The following KLHL2 variants were observed in gnomAD, a reference collection of about 807,000 sequenced individuals.
KLHL2 encodes the protein kelch like family member 2.
A neutral mutation model predicts 75.8 loss-of-function variants in KLHL2; 15 were observed. That is an observed-to-expected ratio of 0.20 (90% CI 0.13 to 0.30). The LOEUF (loss-of-function observed/expected upper bound fraction) is 0.30. Ranked by LOEUF, KLHL2 falls within the 10% of genes least tolerant of loss-of-function variation. The pLI is 1.00. For synonymous variants in KLHL2, 214 were observed against 251.9 expected (o/e 0.85, Z 1.42); for missense variants, 381 against 741.0 (o/e 0.51, Z 5.64).
chr4:165,278,257 T>G, intron 5 of KLHL2: 3 of 1,100,426 alleles, frequency 2.7e-6, no homozygotes, highest in Non-Finnish European at 4.2e-6. Context: ...CTGCAGCCCC[T>G]GCCGCCATGG....
chr4:165,299,086 C>A (rs974106104), intron 7 of KLHL2, among the ~76,000 whole-genome samples: 2 of 151,962 alleles, frequency 1.3e-5, no homozygotes, highest in African/African-American at 4.8e-5. Context: ...TTTACTTGCC[C>A]ACTTGTGTTT....
intron 13 of KLHL2, among the ~76,000 whole-genome samples, chr4:165,314,624 G>A (rs569684805): frequency 7.0e-4 from 106 of 152,238 alleles, no homozygotes; most frequent in African/African-American, 2.5e-3. Flanking sequence ...ATCTAGAGGG[G>A]AAGTCTGCAA....
At chr4:165,254,532 T>C (rs2082482476) in intron 4 of KLHL2, among the ~76,000 whole-genome samples, 1 of 152,248 alleles carries the variant, frequency 6.6e-6, no homozygotes, top group Non-Finnish European at 1.5e-5. Context: ...TTGATCAATG[T>C]TCCTTATTTG....
intron 13 of KLHL2, among the ~76,000 whole-genome samples, chr4:165,314,426 G>T (rs547428385): frequency 1.3e-5 from 2 of 152,224 alleles, no homozygotes; most frequent in East Asian, 3.9e-4. Context: ...ACTTTTTGGT[G>T]ATAAATGTGG....
At position 165,263,268 on chromosome 4, in the gene KLHL2, C is replaced by G. The variant is rs1241658853; in HGVS notation, c.453C>G (p.Ser151=). Residue 151 remains serine, a synonymous_variant, in exon 5 of 15, where the codon TCC becomes TCG. Coordinates refer to ENST00000226725, the MANE Select transcript of KLHL2 (RefSeq NM_007246.4). ...AGACTTGTTGTGAATTTTTGGAATC[C>G]CAGCTTCACCCTGTCAACTGCTTAG... ...VKKTCCEFLE[S]QLHPVNCLGI... 1 of 1,613,826 alleles carries G rather than the reference C, an allele frequency of 6.2e-7. No individual in the cohort carries two copies. Among genetic ancestry groups the G allele is most frequent in the East Asian group, 2.2e-5 (1 of 44,880 alleles).
At chr4:165,280,054 G>T (rs748437885) in intron 5 of KLHL2, among the ~76,000 whole-genome samples, 1 of 152,092 alleles carries the variant, frequency 6.6e-6, no homozygotes, top group Non-Finnish European at 1.5e-5. Context: ...CCCTACCTTG[G>T]TTCGGACTAG....
At chr4:165,297,837 T>TA in intron 7 of KLHL2, 112 bp downstream of exon 7, 1 of 772,258 alleles carries the variant, frequency 1.3e-6, no homozygotes, top group Non-Finnish European at 2.3e-6. Flanking sequence ...ATCTGTGGAG[T>TA]ACAGGACAGA....
intron 13 of KLHL2, among the ~76,000 whole-genome samples, chr4:165,317,481 A>G (rs776233168): frequency 3.3e-5 from 5 of 151,594 alleles, no homozygotes; most frequent in Admixed American, 6.6e-5. Flanking sequence ...CTCCGGCTTC[A>G]GCCTCTTGGA....
chr4:165,283,161 G>T (rs190254153), intron 5 of KLHL2, among the ~76,000 whole-genome samples: 2 of 152,148 alleles, frequency 1.3e-5, no homozygotes, highest in African/African-American at 4.8e-5. Context: ...ATGAGATTTT[G>T]TGGAGACACA....
intron 1 of KLHL2, among the ~76,000 whole-genome samples, chr4:165,208,793 C>T (rs768891988): frequency 6.6e-6 from 1 of 152,084 alleles, no homozygotes; most frequent in Non-Finnish European, 1.5e-5. Context: ...CTTTTCAAAT[C>T]GCAGACAAAC....
At chr4:165,252,389 G>T (rs1201059504) in intron 4 of KLHL2, among the ~76,000 whole-genome samples, 2 of 151,832 alleles carry the variant, frequency 1.3e-5, no homozygotes, top group Non-Finnish European at 2.9e-5. Context: ...TGGCATGTTT[G>T]GTTTGACACC....
chr4:165,291,448 A>C (rs1054311755), intron 5 of KLHL2, among the ~76,000 whole-genome samples: 1 of 152,160 alleles, frequency 6.6e-6, no homozygotes, highest in African/African-American at 2.4e-5. Flanking sequence ...ATCTTCTAGA[A>C]GCTAAATTTT....
intron 11 of KLHL2, among the ~76,000 whole-genome samples, chr4:165,312,427 A>T (rs199682279): frequency 0.077 from 11,281 of 147,086 alleles, 473 homozygotes; most frequent in Non-Finnish European, 0.099. Context: ...TATTATTATT[A>T]TTTTTTTTTA....
chr4:165,321,534 G>A (rs1746979639), intron 14 of KLHL2, among the ~76,000 whole-genome samples: 1 of 152,084 alleles, frequency 6.6e-6, no homozygotes, highest in Admixed American at 6.5e-5. Flanking sequence ...AAGGCGTTTG[G>A]TCAACTGTAA....
Position 165,294,877 on chromosome 4 carries a change from C to T in KLHL2, c.654+409C>T, listed in dbSNP as rs1744797617. 2.0e-5 allele frequency among the ~76,000 whole-genome samples: 3 copies of T among 152,306 alleles called. No homozygotes were observed. In the South Asian group the frequency reaches 6.2e-4, roughly 32 times the overall value. On this transcript the variant is annotated intron_variant, in intron 6 of 14. Coordinates refer to ENST00000226725, the MANE Select transcript of KLHL2 (RefSeq NM_007246.4). ...TTTGTCACTAAATTAGTTTCCTTGT[C>T]TTCTGAGTTGAAAGAGGTTACCTAG...
At chr4:165,221,556 C>T (rs759709632) in intron 2 of KLHL2, among the ~76,000 whole-genome samples, 1 of 152,062 alleles carries the variant, frequency 6.6e-6, no homozygotes, top group Non-Finnish European at 1.5e-5. Context: ...TAGGAGGGGC[C>T]ATTGGACTGA....
chr4:165,267,872 T>C (rs1340029122), intron 5 of KLHL2, among the ~76,000 whole-genome samples: 1 of 152,234 alleles, frequency 6.6e-6, no homozygotes, highest in Non-Finnish European at 1.5e-5. Context: ...ATTGGAATAG[T>C]TTCAGAAGGA....
chr4:165,218,560 C>G (rs2110975991), intron 1 of KLHL2, among the ~76,000 whole-genome samples: 1 of 152,256 alleles, frequency 6.6e-6, no homozygotes, highest in South Asian at 2.1e-4. Context: ...TTTTCTACTT[C>G]CATAACACCA....
Position 165,310,590 on chromosome 4 carries a change from T to C in KLHL2, c.1077T>C (p.Gly359=), listed in dbSNP as rs765461718. The change falls in exon 10 of 15, where the codon GGT becomes GGC. Residue 359 remains glycine (G), a synonymous_variant. Coordinates refer to ENST00000226725, the MANE Select transcript of KLHL2 (RefSeq NM_007246.4). ...TGGCTGGACTTGTTTTTGCTGTTGG[T>C]GGCTTTAATGGCTCATTAAGAGTTC... is the stretch of plus-strand genomic sequence containing the variant. ...VYMAGLVFAV[G]GFNGSLRVRT... The C allele has an allele frequency of 1.2e-6, 2 of 1,614,064 alleles. No individual in the cohort carries two copies. Among genetic ancestry groups the C allele is most frequent in the Non-Finnish European group, 1.7e-6 (2 of 1,179,942 alleles).
Sources: gnomAD v4.1 joint callset for allele counts (sites outside exome capture counted in the v4.1 genomes callset) on GRCh38, gnomAD v4.1.1 for gene constraint, MANE v1.5 for transcripts, NCBI Gene and HGNC (gene_info 2026-07-23, HGNC 2026-07-21) for gene names.